Variants in PALD1 observed in about 807,000 individuals in gnomAD.
PALD1 encodes the protein phosphatase domain containing paladin 1.
Under a neutral mutation model 96.0 loss-of-function variants are expected in PALD1, and 57 were observed. The ratio of observed to expected loss-of-function variants is 0.59; its 90% CI spans 0.48 to 0.74. The LOEUF (loss-of-function observed/expected upper bound fraction) is 0.74, where lower values mean the gene tolerates loss of function less well. Among genes scored for constraint, PALD1 ranks in the 30% least tolerant of loss-of-function variants. The probability of loss-of-function intolerance (pLI) is 0.00; values close to 1 mark genes in which losing one functional copy is unlikely to be tolerated. For synonymous variants in PALD1, 464 were observed against 473.6 expected (o/e 0.98, Z 0.26); for missense variants, 1,063 against 1,143.7 (o/e 0.93, Z 1.02).
intron 18 of PALD1, 32 bp from the exon 19 acceptor site, chr10:70,564,332 C>T (rs755005745): frequency 1.3e-6 from 2 of 1,596,988 alleles, no homozygotes; most frequent in Admixed American, 3.4e-5. Context: ...ACGGATCCCC[C>T]CACACTGACC....
intron 1 of PALD1, among the ~76,000 whole-genome samples, chr10:70,499,620 C>T (rs908113302): frequency 8.5e-5 from 13 of 152,232 alleles, no homozygotes; most frequent in Non-Finnish European, 1.6e-4. Flanking sequence ...CTTCCTCTCC[C>T]GTGGCCTGGC....
intron 17 of PALD1, among the ~76,000 whole-genome samples, chr10:70,546,195 C>G (rs1224804363): frequency 6.6e-6 from 1 of 152,162 alleles, no homozygotes; most frequent in Non-Finnish European, 1.5e-5. Context: ...CGAGATCTCA[C>G]CACTACACTC....
At chr10:70,466,125 C>T in the PALD1 span, among the ~76,000 whole-genome samples, 1 of 152,214 alleles carries the variant, frequency 6.6e-6, no homozygotes, top group South Asian at 2.1e-4. Context: ...TCTCAGGCCC[C>T]CTTGGGACTT....
chr10:70,501,081 T>C (rs543603544), intron 1 of PALD1, among the ~76,000 whole-genome samples: 1 of 152,240 alleles, frequency 6.6e-6, no homozygotes, highest in East Asian at 1.9e-4. Flanking sequence ...CATCCCACCT[T>C]TCCTGCCACT....
chr10:70,461,941 T>C, the PALD1 span, among the ~76,000 whole-genome samples: 2 of 152,136 alleles, frequency 1.3e-5, no homozygotes, highest in African/African-American at 4.8e-5. Flanking sequence ...TACAGGCATG[T>C]GCAATCATGC....
At chr10:70,509,111 T>C (rs1022718502) in intron 1 of PALD1, among the ~76,000 whole-genome samples, 17 of 152,200 alleles carry the variant, frequency 1.1e-4, no homozygotes, top group African/African-American at 3.1e-4. Flanking sequence ...GGCATCTGGC[T>C]GCCAGGGGCG....
At chr10:70,508,799 G>GTGTGTA (rs1846448493) in intron 1 of PALD1, among the ~76,000 whole-genome samples, 1 of 145,690 alleles carries the variant, frequency 6.9e-6, no homozygotes, top group African/African-American at 2.6e-5. Context: ...GTGTGTGTGT[G>GTGTGTA]TGTGTGTGTG....
At chr10:70,490,687 G>A (rs533119258) in intron 1 of PALD1, among the ~76,000 whole-genome samples, 2 of 152,348 alleles carry the variant, frequency 1.3e-5, no homozygotes, top group South Asian at 4.1e-4. Flanking sequence ...GCCTTGGGTT[G>A]ATGGTAGAGA....
At chr10:70,531,945 T>C (rs1399416075) in intron 5 of PALD1, among the ~76,000 whole-genome samples, 4 of 150,386 alleles carry the variant, frequency 2.7e-5, no homozygotes, top group Non-Finnish European at 4.4e-5. Context: ...ATCACACTAC[T>C]GCACTCCAGC....
In PALD1 at chr10:70,481,020, A is replaced by G. The variant is rs1334901176; in HGVS notation, c.-30+1961A>G. 2.0e-5 allele frequency among the ~76,000 whole-genome samples: 3 copies of G among 152,230 alleles called. No homozygotes were observed. In the East Asian group the frequency reaches 5.8e-4, roughly 29 times the overall value. ...CCACGTATGGGCTGCAGACACGTAC[A>G]TAGAAATACACCATTGCTGGGATCT... On this transcript the variant is annotated intron_variant, in intron 1 of 19. Transcript: ENST00000263563.
chr10:70,537,683 GTGTC>G (rs1050377921), intron 10 of PALD1, 124 bp from the exon 11 acceptor site: 117 of 650,136 alleles, frequency 1.8e-4, no homozygotes, highest in Admixed American at 2.8e-4. Context: ...TGGCAGAACT[GTGTC>G]ATGAAGGGAG....
intron 1 of PALD1, among the ~76,000 whole-genome samples, chr10:70,515,237 G>A (rs1334290182): frequency 1.3e-5 from 2 of 152,222 alleles, no homozygotes; most frequent in African/African-American, 4.8e-5. Context: ...AGAGAACTGG[G>A]CTGACTCAGG....
intron 17 of PALD1, among the ~76,000 whole-genome samples, chr10:70,544,478 TGG>T (rs990041140): frequency 8.6e-5 from 13 of 151,904 alleles, no homozygotes; most frequent in Non-Finnish European, 1.8e-4. Context: ...ATATGTGGAC[TGG>T]GGAGTGGAGG....
chr10:70,499,983 G>T (rs1227744740), intron 1 of PALD1, among the ~76,000 whole-genome samples: 3 of 152,178 alleles, frequency 2.0e-5, no homozygotes, highest in Non-Finnish European at 2.9e-5. Context: ...TCTGTACAGG[G>T]GTTTTCTCAG....
At chr10:70,496,037 A>ACAACAACAACAG (rs1007356202) in intron 1 of PALD1, among the ~76,000 whole-genome samples, 1 of 151,776 alleles carries the variant, frequency 6.6e-6, no homozygotes, top group African/African-American at 2.4e-5. Flanking sequence ...AACAACAACA[A>ACAACAACAACAG]CAGCAGTAAC....
Position 70,533,417 on chromosome 10 carries a change from G to A in PALD1, c.870+347G>A, listed in dbSNP as rs1338096463. Among the ~76,000 whole-genome samples the A allele has an allele frequency of 2.6e-5, 4 of 152,086 alleles. 1 individual carries two copies. The highest frequency in any genetic ancestry group is 2.0e-4 in the Admixed American group (3 of 15,252). On this transcript the variant is annotated intron_variant, in intron 7 of 19. Coordinates refer to ENST00000263563, the MANE Select transcript of PALD1 (RefSeq NM_014431.3). ...TGTGTGTACCTGTATGTAGGTGTGT[G>A]TTTGTGCATTCTCTTATGGCAGAGT...
At chr10:70,513,573 T>G (rs1322394302) in intron 1 of PALD1, among the ~76,000 whole-genome samples, 1 of 152,112 alleles carries the variant, frequency 6.6e-6, no homozygotes, top group African/African-American at 2.4e-5. Flanking sequence ...CAGGTAAGAT[T>G]TGTTCCATTT....
At chr10:70,536,829 C>T (rs1277764670) in intron 10 of PALD1, among the ~76,000 whole-genome samples, 2 of 152,216 alleles carry the variant, frequency 1.3e-5, no homozygotes, top group East Asian at 3.9e-4. Flanking sequence ...TCACTTGAAT[C>T]TCACTTGCCC....
In PALD1 at chr10:70,529,295, G is replaced by A; in HGVS notation, c.252G>A (p.Arg84=). 1 of 1,593,750 alleles carries A rather than the reference G, an allele frequency of 6.3e-7. No individual in the cohort carries two copies. The highest frequency in any genetic ancestry group is 8.5e-7 in the Non-Finnish European group (1 of 1,170,846). Residue 84 remains arginine, a synonymous_variant, in exon 3 of 20, where the codon CGG becomes CGA. Coordinates refer to ENST00000263563, the MANE Select transcript of PALD1 (RefSeq NM_014431.3). ...TCAAGGCTCATTACACGTTGGGCCG[G>A]CTCTCGGACAACACCCCTGAGCACT... ...ELLKAHYTLG[R]LSDNTPEHYL...
Sources: gnomAD v4.1 joint callset for allele counts (sites outside exome capture counted in the v4.1 genomes callset) on GRCh38, gnomAD v4.1.1 for gene constraint, MANE v1.5 for transcripts, NCBI Gene and HGNC (gene_info 2026-07-23, HGNC 2026-07-21) for gene names.